MBNL2: variants seen among roughly 807,000 people sequenced by gnomAD.
MBNL2 encodes muscleblind like splicing regulator 2, also known as muscleblind-like protein 2.
MBNL2 carries 17 observed loss-of-function variants against 41.9 expected under a neutral mutation model. The ratio of observed to expected loss-of-function variants is 0.41; its 90% confidence interval spans 0.28 to 0.61. The LOEUF (loss-of-function observed/expected upper bound fraction) is 0.61. Among genes scored for constraint, MBNL2 ranks in the 20% least tolerant of loss-of-function variants. The probability of loss-of-function intolerance (pLI) is 0.35; values close to 1 mark genes in which losing one functional copy is unlikely to be tolerated. For synonymous variants in MBNL2, 195 were observed against 182.9 expected, an observed-to-expected ratio of 1.07 and a Z score of -0.53; for missense variants, 336 against 505.6, an observed-to-expected ratio of 0.66 and a Z score of 3.22.
At chr13:97,247,069 C>T (rs988059760) in intron 1 of MBNL2, among the ~76,000 whole-genome samples, 3 of 152,176 alleles carry the variant, frequency 2.0e-5, no homozygotes, top group Non-Finnish European at 4.4e-5. Flanking sequence ...TATTGTCTAT[C>T]TCTGAAATTT....
intron 2 of MBNL2, among the ~76,000 whole-genome samples, chr13:97,287,163 G>A (rs1166655284): frequency 2.0e-5 from 3 of 152,124 alleles, no homozygotes; most frequent in Non-Finnish European, 2.9e-5. Flanking sequence ...GGTGTGGCAG[G>A]CTCACTCGTG....
intron 2 of MBNL2, among the ~76,000 whole-genome samples, chr13:97,308,843 G>A (rs2153016294): frequency 6.6e-6 from 1 of 152,334 alleles, no homozygotes; most frequent in East Asian, 1.9e-4. Context: ...TCTAGCATCA[G>A]GGAACACACA....
chr13:97,391,241 A>G (rs574043576), intron 8 of MBNL2, 81 bp from the exon 9 acceptor site: 11 of 697,198 alleles, frequency 1.6e-5, no homozygotes, highest in East Asian at 1.3e-4. Flanking sequence ...TCAAATGTCT[A>G]TTTTTGAAGA....
chr13:97,382,893 T>G (rs1471593279), intron 8 of MBNL2, among the ~76,000 whole-genome samples: 1 of 152,046 alleles, frequency 6.6e-6, no homozygotes, highest in Non-Finnish European at 1.5e-5. Flanking sequence ...AATCTAGGGT[T>G]TTGTTTTGAT....
At chr13:97,286,236 C>T (rs1026033716) in intron 2 of MBNL2, among the ~76,000 whole-genome samples, 5 of 152,172 alleles carry the variant, frequency 3.3e-5, no homozygotes, top group Non-Finnish European at 5.9e-5. Flanking sequence ...TTTAATTCCC[C>T]ATTCAACCTA....
intron 1 of MBNL2, among the ~76,000 whole-genome samples, chr13:97,252,516 T>G (rs2046773632): frequency 6.6e-6 from 1 of 152,254 alleles, no homozygotes; most frequent in African/African-American, 2.4e-5. Context: ...CAAATATCTT[T>G]CAATTATATT....
chr13:97,266,802 C>G (rs2049916104), intron 1 of MBNL2, among the ~76,000 whole-genome samples: 1 of 152,138 alleles, frequency 6.6e-6, no homozygotes, highest in South Asian at 2.1e-4. Context: ...GTCAAGGAGA[C>G]AAGGTTTCTT....
intron 7 of MBNL2, among the ~76,000 whole-genome samples, chr13:97,364,385 A>G (rs968011225): frequency 3.3e-5 from 5 of 152,128 alleles, no homozygotes; most frequent in African/African-American, 4.8e-5. Flanking sequence ...TACAGTGTTT[A>G]AGCTTTATTG....
At chr13:97,191,934 C>T in the MBNL2 span, among the ~76,000 whole-genome samples, 1 of 152,184 alleles carries the variant, frequency 6.6e-6, no homozygotes, top group African/African-American at 2.4e-5. Context: ...TGCCTCTATA[C>T]AGGACAGTCA....
Position 97,294,617 on chromosome 13 carries a change from GT to G in MBNL2, c.174+18209del, listed in dbSNP as rs1232789230. On this transcript the variant is annotated intron_variant, in intron 2 of 8. Coordinates refer to ENST00000679496, the MANE Select transcript of MBNL2 (RefSeq NM_001382683.1). Reference sequence around the variant, plus strand: ...TCAGTAGGTCTGGGTATGGATCCCAGTGTTCTGTATCTTTAGAAGCTCTCCA... The same window carrying G: ...TCAGTAGGTCTGGGTATGGATCCCAGGTTCTGTATCTTTAGAAGCTCTCCA... Among the ~76,000 whole-genome samples the G allele has an allele frequency of 2.0e-5, 3 of 152,342 alleles. 1 individual carries two copies. Among genetic ancestry groups the G allele is most frequent in the African/African-American group, 7.2e-5 (3 of 41,566 alleles).
rs550297195 is a variant in MBNL2, at chr13:97,326,186, T to G, written c.175-8090T>G. 5.9e-5 allele frequency among the ~76,000 whole-genome samples: 9 copies of G among 152,380 alleles called. 1 individual carries two copies. Among genetic ancestry groups the G allele is most frequent in the Admixed American group, 5.9e-4 (9 of 15,304 alleles). ...TGCAAACTGATTTGGTCCACTTACC[T>G]ATGTAACTTCATTCCCACTTTTCTT... On this transcript the variant is annotated intron_variant, in intron 2 of 8. Transcript: ENST00000679496.
chr13:97,218,042 T>C (rs1404815394), upstream of MBNL2, among the ~76,000 whole-genome samples: 2 of 152,042 alleles, frequency 1.3e-5, no homozygotes, highest in Non-Finnish European at 2.9e-5. Context: ...CTTATTGAAA[T>C]GGGAAATGAT....
chr13:97,228,651 T>A (rs554726822), intron 1 of MBNL2, among the ~76,000 whole-genome samples: 11 of 150,088 alleles, frequency 7.3e-5, no homozygotes, highest in African/African-American at 2.7e-4. Context: ...TGCCTCAGCC[T>A]CCCAAGTAGC....
intron 1 of MBNL2, among the ~76,000 whole-genome samples, chr13:97,263,234 A>G (rs2048997520): frequency 6.6e-6 from 1 of 152,120 alleles, no homozygotes; most frequent in African/African-American, 2.4e-5. Flanking sequence ...CTGCTCTACC[A>G]TGGCTGTAAC....
At chr13:97,315,383 GC>G (rs1396800987) in intron 2 of MBNL2, among the ~76,000 whole-genome samples, 2 of 152,174 alleles carry the variant, frequency 1.3e-5, no homozygotes, top group Non-Finnish European at 2.9e-5. Flanking sequence ...CAGGCACCGG[GC>G]TCTACATTAC....
chr13:97,249,276 A>G (rs571496354), intron 1 of MBNL2, among the ~76,000 whole-genome samples: 2 of 152,322 alleles, frequency 1.3e-5, no homozygotes, highest in East Asian at 3.9e-4. Context: ...CTGTTTGTGA[A>G]TGATTGTCCC....
At chr13:97,166,820 AT>A in the MBNL2 span, among the ~76,000 whole-genome samples, 5 of 151,412 alleles carry the variant, frequency 3.3e-5, no homozygotes, top group African/African-American at 9.8e-5. Context: ...AGATAGATAG[AT>A]AGATAGATAG....
At chr13:97,160,771 G>A in the MBNL2 span, among the ~76,000 whole-genome samples, 459 of 152,316 alleles carry the variant, frequency 3.0e-3, 1 homozygote, top group Non-Finnish European at 4.7e-3. Flanking sequence ...CATGGGTGCA[G>A]CCAGAGAGTT....
At chr13:97,233,245 G>A (rs2042710009) in intron 1 of MBNL2, among the ~76,000 whole-genome samples, 3 of 139,042 alleles carry the variant, frequency 2.2e-5, no homozygotes, top group Non-Finnish European at 3.1e-5. Context: ...ATGTATACAT[G>A]CGCCATGTTG....
Sources: gnomAD v4.1 joint callset for allele counts (sites outside exome capture counted in the v4.1 genomes callset) on GRCh38, gnomAD v4.1.1 for gene constraint, MANE v1.5 for transcripts, NCBI Gene and HGNC (gene_info 2026-07-23, HGNC 2026-07-21) for gene names.